The following GLMN variants were observed in gnomAD, a reference collection of about 807,000 sequenced individuals.
GLMN encodes glomulin.
A neutral mutation model predicts 87.8 loss-of-function variants in GLMN; 75 were observed. That is an observed-to-expected ratio of 0.85 (90% CI 0.71 to 1.04). The LOEUF is 1.04. Among genes scored for constraint, GLMN ranks in the 50% least tolerant of loss-of-function variants. GLMN has a pLI of 0.00. For synonymous variants in GLMN, 206 were observed against 221.6 expected, an observed-to-expected ratio of 0.93 and a Z score of 0.63; for missense variants, 588 against 658.8, an observed-to-expected ratio of 0.89 and a Z score of 1.18.
chr1:92,357,161 T>C, the GLMN span, among the ~76,000 whole-genome samples: 2 of 151,960 alleles, frequency 1.3e-5, no homozygotes, highest in Non-Finnish European at 2.9e-5. Flanking sequence ...TAAGACTGTG[T>C]CTTAGACCCT....
intron 8 of GLMN, among the ~76,000 whole-genome samples, chr1:92,270,658 GATATT>G (rs1372067803): frequency 2.6e-5 from 4 of 151,872 alleles, no homozygotes; most frequent in Non-Finnish European, 5.9e-5. Context: ...AAGTCCAGAA[GATATT>G]ACATTATAAA....
the GLMN span, among the ~76,000 whole-genome samples, chr1:92,359,418 C>G: frequency 2.4e-4 from 36 of 152,248 alleles, no homozygotes; most frequent in Non-Finnish European, 1.6e-4. Flanking sequence ...CTCCCAGGTT[C>G]AAGCAATTCT....
intron 13 of GLMN, among the ~76,000 whole-genome samples, chr1:92,266,002 G>A (rs1360090067): frequency 1.3e-5 from 2 of 152,106 alleles, no homozygotes; most frequent in East Asian, 1.9e-4. Context: ...ACCTCAAAGA[G>A]CAGTATTAGT....
At chr1:92,286,459 G>C in intron 7 of GLMN, 31 bp downstream of exon 7, 1 of 992,560 alleles carries the variant, frequency 1.0e-6, no homozygotes. Context: ...TAACATTTAA[G>C]ATTATAGCAG....
At chr1:92,343,925 C>T in the GLMN span, among the ~76,000 whole-genome samples, 2 of 152,124 alleles carry the variant, frequency 1.3e-5, no homozygotes, top group African/African-American at 2.4e-5. Flanking sequence ...TTCAGATGGA[C>T]GGAATAGCTG....
chr1:92,252,323 G>A (rs1030838705), intron 16 of GLMN, among the ~76,000 whole-genome samples: 7 of 152,162 alleles, frequency 4.6e-5, no homozygotes, highest in African/African-American at 1.7e-4. Context: ...GAGTACAGGA[G>A]GTTGTTATTG....
At chr1:92,249,267 CTTTTTTT>C (rs59926635) in intron 16 of GLMN, among the ~76,000 whole-genome samples, 1 of 108,400 alleles carries the variant, frequency 9.2e-6, no homozygotes. Flanking sequence ...GATTACTATT[CTTTTTTT>C]TTTTTTTTTG....
At chr1:92,271,720 A>T in intron 7 of GLMN, 68 bp from the exon 8 acceptor site, 1 of 1,035,926 alleles carries the variant, frequency 9.7e-7, no homozygotes, top group Admixed American at 1.7e-5. Flanking sequence ...CCGTGTATTC[A>T]AACTCCACAT....
the GLMN span, among the ~76,000 whole-genome samples, chr1:92,319,414 C>T: frequency 6.6e-6 from 1 of 152,082 alleles, no homozygotes; most frequent in African/African-American, 2.4e-5. Flanking sequence ...GTAGCTACAT[C>T]GTTGTTATGA....
intron 3 of GLMN, among the ~76,000 whole-genome samples, chr1:92,296,069 A>C (rs1331644812): frequency 6.6e-6 from 1 of 152,192 alleles, no homozygotes; most frequent in African/African-American, 2.4e-5. Context: ...GAAGGGTATA[A>C]GCCATTTGAA....
At chr1:92,289,814 C>G (rs970916460) in intron 5 of GLMN, among the ~76,000 whole-genome samples, 18 of 152,128 alleles carry the variant, frequency 1.2e-4, no homozygotes, top group African/African-American at 4.3e-4. Flanking sequence ...CAATGCCTTG[C>G]CTGATACTCT....
chr1:92,252,818 A>G (rs1653703385), intron 16 of GLMN, among the ~76,000 whole-genome samples: 2 of 152,210 alleles, frequency 1.3e-5, no homozygotes, highest in Admixed American at 6.5e-5. Flanking sequence ...AAAAATTTGA[A>G]ATGTTCACAA....
chr1:92,326,371 G>GC, the GLMN span, among the ~76,000 whole-genome samples: 1 of 152,158 alleles, frequency 6.6e-6, no homozygotes, highest in African/African-American at 2.4e-5. Context: ...ATGGCAGGGG[G>GC]GTGAAATGGA....
chr1:92,284,875 T>A (rs1203694311), intron 7 of GLMN, among the ~76,000 whole-genome samples: 1 of 152,190 alleles, frequency 6.6e-6, no homozygotes, highest in African/African-American at 2.4e-5. Flanking sequence ...ATGCTCATCA[T>A]CACTGGTCAT....
chr1:92,342,782 A>AT, the GLMN span, among the ~76,000 whole-genome samples: 1 of 152,144 alleles, frequency 6.6e-6, no homozygotes, highest in Non-Finnish European at 1.5e-5. Context: ...AAGTTTAACC[A>AT]TAAGATTTGT....
At chr1:92,347,386 C>T in the GLMN span, among the ~76,000 whole-genome samples, 1 of 152,154 alleles carries the variant, frequency 6.6e-6, no homozygotes, top group Non-Finnish European at 1.5e-5. Flanking sequence ...CACTTATAGA[C>T]AACTGTCTAA....
At chr1:92,297,783 A>G in intron 2 of GLMN, 178 bp downstream of exon 2, 1 of 628,146 alleles carries the variant, frequency 1.6e-6, no homozygotes, top group Non-Finnish European at 2.8e-6. Flanking sequence ...TTATTTAGAT[A>G]AGTATGTCAC....
the GLMN span, among the ~76,000 whole-genome samples, chr1:92,321,469 T>C: frequency 6.6e-6 from 1 of 151,976 alleles, no homozygotes; most frequent in Non-Finnish European, 1.5e-5. Flanking sequence ...CTTTTATATA[T>C]ATATATATTT....
In GLMN at chr1:92,298,082, C is replaced by G. The variant is rs184732567; in HGVS notation, c.-30-53G>C. ...ATCCGTGATATTACACTTAAGTATT[C>G]AAAAGTTATGTTTCAGTGTGATAAA... On this transcript the variant is annotated intron_variant, in intron 1 of 18. Coordinates refer to ENST00000370360, the MANE Select transcript of GLMN (RefSeq NM_053274.3). 13 of 798,380 alleles carry G rather than the reference C, an allele frequency of 1.6e-5. 1 individual carries two copies. The East Asian group carries it at 3.2e-4, about 20-fold the overall frequency. 49.5% of individuals were successfully genotyped at this position (798,380 alleles called of 1,614,324 possible).
Sources: gnomAD v4.1 joint callset for allele counts (sites outside exome capture counted in the v4.1 genomes callset) on GRCh38, gnomAD v4.1.1 for gene constraint, MANE v1.5 for transcripts, NCBI Gene and HGNC (gene_info 2026-07-23, HGNC 2026-07-21) for gene names.